RALYL: variants seen among roughly 807,000 people sequenced by gnomAD.
RALYL encodes RNA-binding Raly-like protein.
A neutral mutation model predicts 35.1 loss-of-function variants in RALYL; 29 were observed. The observed-to-expected ratio is 0.83, with a 90% confidence interval of 0.61 to 1.13. RALYL has a LOEUF of 1.13. Among genes scored for constraint, RALYL ranks in the 50% most tolerant of loss-of-function variants. RALYL has a pLI of 0.00. For synonymous variants in RALYL, 120 were observed against 127.6 expected (o/e 0.94, Z 0.40); for missense variants, 359 against 360.4 (o/e 1.00, Z 0.03).
At chr8:84,333,808 A>G (rs548592360) in intron 1 of RALYL, among the ~76,000 whole-genome samples, 1 of 152,294 alleles carries the variant, frequency 6.6e-6, no homozygotes, top group Non-Finnish European at 1.5e-5. Flanking sequence ...ATATACCTCA[A>G]TAGTAAATTA....
At chr8:84,425,502 C>T (rs572184888) in intron 1 of RALYL, among the ~76,000 whole-genome samples, 1 of 152,206 alleles carries the variant, frequency 6.6e-6, no homozygotes, top group African/African-American at 2.4e-5. Context: ...GCAGAAATCA[C>T]CCGTCTTCTG....
intron 2 of RALYL, among the ~76,000 whole-genome samples, chr8:84,658,021 A>T (rs1052664455): frequency 1.3e-5 from 2 of 152,142 alleles, no homozygotes; most frequent in Non-Finnish European, 2.9e-5. Context: ...CAGCAATAAC[A>T]GGATGGGAGG....
chr8:84,583,102 T>C (rs776063325), intron 2 of RALYL, among the ~76,000 whole-genome samples: 6 of 152,120 alleles, frequency 3.9e-5, no homozygotes, highest in Non-Finnish European at 7.4e-5. Flanking sequence ...ATTTTCCTGG[T>C]TCAAAACTGA....
chr8:84,257,783 C>G (rs1831469987), intron 1 of RALYL, among the ~76,000 whole-genome samples: 1 of 151,862 alleles, frequency 6.6e-6, no homozygotes, highest in Non-Finnish European at 1.5e-5. Flanking sequence ...CTTGGTTTTC[C>G]CAGTGAAAAT....
intron 2 of RALYL, among the ~76,000 whole-genome samples, chr8:84,734,537 A>G (rs1488305548): frequency 2.0e-5 from 3 of 152,296 alleles, no homozygotes; most frequent in East Asian, 1.9e-4. Flanking sequence ...TTTTCAGTCA[A>G]TCAGTATAGA....
chr8:84,626,517 T>G (rs965484848), intron 2 of RALYL, among the ~76,000 whole-genome samples: 1 of 152,196 alleles, frequency 6.6e-6, no homozygotes, highest in African/African-American at 2.4e-5. Context: ...TTCAGAATAT[T>G]CCTCTAAAAA....
At chr8:84,814,183 G>T (rs906653577) in intron 4 of RALYL, among the ~76,000 whole-genome samples, 6 of 152,078 alleles carry the variant, frequency 3.9e-5, no homozygotes, top group Non-Finnish European at 8.8e-5. Context: ...ATAAATGTTA[G>T]CTATCATTAC....
At chr8:84,753,028 C>T (rs183299818) in intron 2 of RALYL, among the ~76,000 whole-genome samples, 113 of 152,282 alleles carry the variant, frequency 7.4e-4, no homozygotes, top group African/African-American at 2.6e-3. Flanking sequence ...GCCTGGAAAA[C>T]CCATGGGCAC....
intron 1 of RALYL, among the ~76,000 whole-genome samples, chr8:84,467,145 A>C (rs1414654538): frequency 6.6e-6 from 1 of 151,678 alleles, no homozygotes; most frequent in Non-Finnish European, 1.5e-5. Context: ...TATTTCCTTC[A>C]GTTCTGCTCT....
intron 2 of RALYL, among the ~76,000 whole-genome samples, chr8:84,545,995 G>C (rs747204188): frequency 4.4e-4 from 67 of 152,192 alleles, no homozygotes; most frequent in Middle Eastern, 6.8e-3. Flanking sequence ...TCCTGATTTT[G>C]CAGTAAATTT....
intron 2 of RALYL, among the ~76,000 whole-genome samples, chr8:84,751,023 A>C (rs955815672): frequency 1.3e-5 from 2 of 152,140 alleles, no homozygotes; most frequent in Non-Finnish European, 2.9e-5. Context: ...GTCTTTGTAC[A>C]TACCTGCTCT....
At chr8:84,740,521 T>C (rs1397575179) in intron 2 of RALYL, among the ~76,000 whole-genome samples, 2 of 152,066 alleles carry the variant, frequency 1.3e-5, no homozygotes, top group African/African-American at 2.4e-5. Flanking sequence ...CTTTTTATTG[T>C]GGTAAGAATA....
chr8:84,546,947 G>C, intron 2 of RALYL, among the ~76,000 whole-genome samples: 1 of 142,784 alleles, frequency 7.0e-6, no homozygotes. Flanking sequence ...TTACATCTTA[G>C]TTCTAATTTT....
chr8:84,901,554 C>G (rs985079179), intron 8 of RALYL, among the ~76,000 whole-genome samples: 1 of 152,100 alleles, frequency 6.6e-6, no homozygotes, highest in Non-Finnish European at 1.5e-5. Flanking sequence ...CCATGAGATC[C>G]GCAAGCATCT....
intron 1 of RALYL, among the ~76,000 whole-genome samples, chr8:84,300,707 T>G (rs1393588985): frequency 1.3e-5 from 2 of 152,090 alleles, no homozygotes; most frequent in African/African-American, 2.4e-5. Context: ...GTATCATTGT[T>G]TGAAAGTCTG....
intron 1 of RALYL, among the ~76,000 whole-genome samples, chr8:84,376,034 G>A (rs550606386): frequency 3.8e-4 from 58 of 151,984 alleles, no homozygotes; most frequent in African/African-American, 1.2e-3. Flanking sequence ...GAATAAGTAA[G>A]TCTGTTTACA....
intron 1 of RALYL, among the ~76,000 whole-genome samples, chr8:84,505,639 G>A (rs1166048573): frequency 1.3e-5 from 2 of 151,716 alleles, no homozygotes; most frequent in Non-Finnish European, 2.9e-5. Context: ...GAGGGTTAGG[G>A]TATGAATGAT....
At chr8:84,598,778 A>G (rs1287874499) in intron 2 of RALYL, among the ~76,000 whole-genome samples, 2 of 152,202 alleles carry the variant, frequency 1.3e-5, no homozygotes, top group Non-Finnish European at 2.9e-5. Context: ...TAATGCTACA[A>G]TAAATATAGG....
intron 8 of RALYL, among the ~76,000 whole-genome samples, chr8:84,901,131 G>T (rs1381985007): frequency 6.6e-6 from 1 of 152,104 alleles, no homozygotes; most frequent in African/African-American, 2.4e-5. Flanking sequence ...ATATTCCTGG[G>T]TTTATACAAC....
Sources: allele counts gnomAD v4.1 joint callset (sites outside exome capture counted in the v4.1 genomes callset), GRCh38; gene constraint gnomAD v4.1.1; transcripts MANE v1.5; gene names NCBI Gene and HGNC (gene_info 2026-07-23, HGNC 2026-07-21).